Variants in SIPA1L1 observed in about 807,000 individuals in gnomAD.
SIPA1L1 encodes the protein signal-induced proliferation-associated 1-like protein 1.
In SIPA1L1, 26 loss-of-function variants were observed where a neutral mutation model predicts 162.7. The observed-to-expected ratio is 0.16, with a 90% confidence interval of 0.12 to 0.22. The LOEUF (loss-of-function observed/expected upper bound fraction) is 0.22. SIPA1L1 is among the 10% of genes least tolerant of loss of function. The probability of loss-of-function intolerance (pLI) is 1.00; values close to 1 mark genes in which losing one functional copy is unlikely to be tolerated. For missense variants in SIPA1L1, 1,874 were observed against 2,241.0 expected, an observed-to-expected ratio of 0.84 and a Z score of 3.31; for synonymous variants, 829 against 837.4, an observed-to-expected ratio of 0.99 and a Z score of 0.17.
At chr14:71,384,796 T>A (rs1401304087) in intron 2 of SIPA1L1, among the ~76,000 whole-genome samples, 3 of 152,234 alleles carry the variant, frequency 2.0e-5, no homozygotes. Context: ...TTAACTGGCA[T>A]GTCTTCTGTA....
At chr14:71,488,731 TGAAGA>T (rs938149742) in intron 2 of SIPA1L1, among the ~76,000 whole-genome samples, 1 of 152,220 alleles carries the variant, frequency 6.6e-6, no homozygotes, top group African/African-American at 2.4e-5. Context: ...TTGTACTTTG[TGAAGA>T]GAAGAGTACT....
chr14:71,365,816 C>G (rs1381765240), intron 2 of SIPA1L1, among the ~76,000 whole-genome samples: 1 of 151,696 alleles, frequency 6.6e-6, no homozygotes, highest in Admixed American at 6.6e-5. Flanking sequence ...ACCTCTACCT[C>G]CCTGGCTCAA....
intron 2 of SIPA1L1, among the ~76,000 whole-genome samples, chr14:71,471,033 G>A (rs2047412948): frequency 6.6e-6 from 1 of 152,026 alleles, no homozygotes; most frequent in South Asian, 2.1e-4. Flanking sequence ...ATAGAGACGG[G>A]TTTTCACTGT....
At chr14:71,641,469 T>C (rs2041706250) in intron 7 of SIPA1L1, among the ~76,000 whole-genome samples, 1 of 152,188 alleles carries the variant, frequency 6.6e-6, no homozygotes, top group Non-Finnish European at 1.5e-5. Context: ...ATGCCTGTAA[T>C]CCCAGCACTT....
intron 12 of SIPA1L1, among the ~76,000 whole-genome samples, chr14:71,676,147 A>AG (rs2045148842): frequency 6.7e-6 from 1 of 149,834 alleles, no homozygotes; most frequent in African/African-American, 2.4e-5. Context: ...AAAAAAAATT[A>AG]GGGGGGCGTG....
intron 2 of SIPA1L1, among the ~76,000 whole-genome samples, chr14:71,502,191 C>T (rs2050276378): frequency 7.5e-6 from 1 of 133,628 alleles, no homozygotes; most frequent in Non-Finnish European, 1.6e-5. Context: ...TGGACTGATG[C>T]TTTTATTTGG....
At chr14:71,347,209 C>T (rs2036260131) in intron 2 of SIPA1L1, among the ~76,000 whole-genome samples, 3 of 151,936 alleles carry the variant, frequency 2.0e-5, no homozygotes, top group East Asian at 3.9e-4. Flanking sequence ...GATCCACCTG[C>T]CTCGGTCTCC....
Position 71,685,514 on chromosome 14 carries a change from A to C in SIPA1L1, c.3257A>C (p.Gln1086Pro). ...TCACCTCAAGTCCCGTCCCAGGTGCAGAGTCCCATGACCTCGCGGCTGAAT... is the reference window on the plus strand; with the variant it reads ...TCACCTCAAGTCCCGTCCCAGGTGCCGAGTCCCATGACCTCGCGGCTGAAT... ...PHSPQVPSQVQSPMTSRLNAG... is the reference protein window; with the variant it reads ...PHSPQVPSQVPSPMTSRLNAG... The change falls in exon 13 of 24, where the codon CAG becomes CCG. Residue 1086 changes from glutamine (Q) to proline (P), a missense_variant. Gln to Pro is a moderately conservative substitution (Grantham distance 76, BLOSUM62 -1). This residue lies in a region of SIPA1L1 where 936 missense variants were observed against 1,051.9 expected (regional missense o/e 0.89). Coordinates refer to ENST00000381232, the MANE Select transcript of SIPA1L1 (RefSeq NM_001386936.1). The C allele has an allele frequency of 1.2e-6, 2 of 1,614,220 alleles. No individual in the cohort carries two copies. The highest frequency in any genetic ancestry group is 1.7e-6 in the Non-Finnish European group (2 of 1,180,030).
At chr14:71,701,329 T>G (rs1043109305) in intron 14 of SIPA1L1, among the ~76,000 whole-genome samples, 1 of 151,332 alleles carries the variant, frequency 6.6e-6, no homozygotes, top group East Asian at 1.9e-4. Context: ...CAAGCCATCC[T>G]CCCACCTCAG....
chr14:71,596,018 C>G (rs1051992690), intron 5 of SIPA1L1, among the ~76,000 whole-genome samples: 3 of 152,138 alleles, frequency 2.0e-5, no homozygotes, highest in Admixed American at 6.6e-5. Flanking sequence ...AATCATGTAA[C>G]AAACATGTGG....
Position 71,589,283 on chromosome 14 carries a change from G to A in SIPA1L1, c.1411G>A (p.Val471Met). ...ACTTGAAGTGCCCAAGGAGAACTTG[G>A]TGTTGCACCTAGATAGAGTGAAAAG... ...AVLEVPKENL[V>M]LHLDRVKRYI... The change falls in exon 5 of 24, where the codon GTG becomes ATG. Residue 471 changes from valine to methionine, a missense_variant. By Grantham distance (21) the Val-to-Met change is conservative. Transcript: ENST00000381232. 1 of 1,614,028 alleles carries A rather than the reference G, an allele frequency of 6.2e-7. No homozygotes were observed.
chr14:71,738,256 T>C lies in SIPA1L1; in HGVS notation c.5139T>C (p.Ser1713=). 1 of 1,600,538 alleles carries C rather than the reference T, an allele frequency of 6.2e-7. No homozygotes were observed. The highest frequency in any genetic ancestry group is 2.3e-5 in the East Asian group (1 of 43,940). ...MKPYSSSKDS[S]PTLASKVDQL... ...TTGTTCCCAGCAGTAAAGACTCCTC[T>C]CCCACTCTGGCTTCTAAAGTGGACC... Residue 1713 remains serine, a synonymous_variant, in exon 23 of 24, where the codon TCT becomes TCC. Coordinates refer to ENST00000381232, the MANE Select transcript of SIPA1L1 (RefSeq NM_001386936.1).
At chr14:71,427,150 T>C (rs911060538) in intron 2 of SIPA1L1, among the ~76,000 whole-genome samples, 1 of 152,220 alleles carries the variant, frequency 6.6e-6, no homozygotes, top group Non-Finnish European at 1.5e-5. Context: ...TGCAAGTTAC[T>C]TTTTAGTGTC....
chr14:71,361,249 G>A lies in SIPA1L1; in HGVS notation c.-465+40068G>A, dbSNP rs575857382. ...TTTCACAGTTGATAAGAAAGCAGGT[G>A]TACTATTAGGAGCACTGGGCTGGCA... On this transcript the variant is annotated intron_variant, in intron 2 of 23. Coordinates refer to ENST00000381232, the MANE Select transcript of SIPA1L1 (RefSeq NM_001386936.1). Among the ~76,000 whole-genome samples the A allele has an allele frequency of 2.0e-4, 30 of 152,240 alleles. 1 individual carries two copies. Among genetic ancestry groups the A allele is most frequent in the African/African-American group, 7.0e-4 (29 of 41,546 alleles).
At chr14:71,721,329 G>A (rs2083710037) in intron 17 of SIPA1L1, among the ~76,000 whole-genome samples, 1 of 152,194 alleles carries the variant, frequency 6.6e-6, no homozygotes, top group South Asian at 2.1e-4. Flanking sequence ...TAGAGTTGGG[G>A]AAGGTGATTC....
intron 3 of SIPA1L1, among the ~76,000 whole-genome samples, chr14:71,521,110 A>G (rs2052308204): frequency 6.6e-6 from 1 of 152,146 alleles, no homozygotes; most frequent in African/African-American, 2.4e-5. Context: ...TTGGGCTATT[A>G]GGAATTGCAC....
chr14:71,638,216 TACC>T (rs2041357750), intron 7 of SIPA1L1, among the ~76,000 whole-genome samples: 1 of 151,996 alleles, frequency 6.6e-6, no homozygotes, highest in African/African-American at 2.4e-5. Context: ...GAAGCCCTAA[TACC>T]AAAGCCAGAC....
intron 3 of SIPA1L1, among the ~76,000 whole-genome samples, chr14:71,525,664 CCTGT>C (rs1473242669): frequency 1.4e-4 from 21 of 152,276 alleles, no homozygotes; most frequent in African/African-American, 4.1e-4. Flanking sequence ...GTTGAAACTT[CCTGT>C]CTATTTAATC....
chr14:71,350,925 A>T (rs1365869353), intron 2 of SIPA1L1, among the ~76,000 whole-genome samples: 1 of 152,212 alleles, frequency 6.6e-6, no homozygotes, highest in Non-Finnish European at 1.5e-5. Context: ...GATTTGATGG[A>T]TCTGCACAAG....
Sources: gnomAD v4.1 joint callset for allele counts (sites outside exome capture counted in the v4.1 genomes callset) on GRCh38, gnomAD v4.1.1 for gene constraint, gnomAD v4.1.1 regional missense constraint, MANE v1.5 for transcripts, NCBI Gene and HGNC (gene_info 2026-07-23, HGNC 2026-07-21) for gene names.